HSF2BP: variants seen among roughly 807,000 people sequenced by gnomAD.
The protein encoded by HSF2BP is heat shock transcription factor 2 binding protein.
Under a neutral mutation model 35.0 loss-of-function variants are expected in HSF2BP, and 35 were observed. The ratio of observed to expected loss-of-function variants is 1.00; its 90% confidence interval spans 0.76 to 1.32. The LOEUF (loss-of-function observed/expected upper bound fraction) is 1.32. HSF2BP is among the 40% of genes most tolerant of loss of function. HSF2BP has a pLI of 0.00. For missense variants in HSF2BP, 326 were observed against 321.7 expected, an observed-to-expected ratio of 1.01 and a Z score of -0.10; for synonymous variants, 114 against 117.4, an observed-to-expected ratio of 0.97 and a Z score of 0.18.
Position 43,656,542 on chromosome 21 carries a change from A to T in HSF2BP, c.187+45T>A, listed in dbSNP as rs1228889251. 2.5e-6 allele frequency: 4 copies of T among 1,568,750 alleles called. No individual in the cohort carries two copies. The African/African-American group carries it at 5.5e-5, about 21-fold the overall frequency. ...ATTTACCTAGGGTAAATCTGCTAGA[A>T]CAAATTACTGTTACCACCAATGACT... On this transcript the variant is annotated intron_variant, in intron 3 of 8. Coordinates refer to ENST00000291560, the MANE Select transcript of HSF2BP (RefSeq NM_007031.2).
At chr21:43,600,226 A>C (rs2082035694) in intron 7 of HSF2BP, among the ~76,000 whole-genome samples, 1 of 152,236 alleles carries the variant, frequency 6.6e-6, no homozygotes, top group South Asian at 2.1e-4. Flanking sequence ...CAACTTGACC[A>C]CCTTATTCTT....
chr21:43,645,546 T>C (rs773222813), intron 3 of HSF2BP, among the ~76,000 whole-genome samples: 12 of 152,210 alleles, frequency 7.9e-5, no homozygotes, highest in Non-Finnish European at 1.6e-4. Flanking sequence ...AGCTACCTAA[T>C]ATTTGTCACA....
intron 8 of HSF2BP, among the ~76,000 whole-genome samples, chr21:43,590,745 G>A (rs1294205219): frequency 3.9e-5 from 6 of 152,024 alleles, no homozygotes; most frequent in Admixed American, 1.3e-4. Context: ...AAAGAAGCAC[G>A]GCAAAAAAGA....
intron 8 of HSF2BP, among the ~76,000 whole-genome samples, chr21:43,579,749 T>G (rs868037970): frequency 4.7e-4 from 72 of 152,354 alleles, no homozygotes; most frequent in African/African-American, 1.7e-3. Context: ...AATGCTTCTC[T>G]TCACTCTTGT....
chr21:43,601,706 A>G (rs1333004389), intron 7 of HSF2BP, among the ~76,000 whole-genome samples: 2 of 152,144 alleles, frequency 1.3e-5, no homozygotes, highest in Non-Finnish European at 2.9e-5. Flanking sequence ...GAAATAATAC[A>G]CATTAGTTCA....
intron 5 of HSF2BP, 38 bp downstream of exon 5, chr21:43,633,234 A>C: frequency 1.9e-6 from 3 of 1,589,510 alleles, no homozygotes; most frequent in Non-Finnish European, 2.6e-6. Context: ...CACAAGCAGT[A>C]ATCAACAATA....
chr21:43,628,483 G>C (rs1198174142), intron 6 of HSF2BP, among the ~76,000 whole-genome samples: 1 of 152,352 alleles, frequency 6.6e-6, no homozygotes, highest in Non-Finnish European at 1.5e-5. Flanking sequence ...CAGGGGTAAG[G>C]AAGCTGCAGA....
Position 43,583,218 on chromosome 21 carries a change from GGGAGATGAAGGCCTGCTGAA to G in HSF2BP, c.796+8987_796+9006del, listed in dbSNP as rs1425968159. On this transcript the variant is annotated intron_variant, in intron 8 of 8. Coordinates refer to ENST00000291560, the MANE Select transcript of HSF2BP (RefSeq NM_007031.2). Reference sequence around the variant, plus strand: ...GCTGAGGGAGATGAGGACCTGCTGAGGGAGATGAAGGCCTGCTGAAGGAGATGAAGGCCTGCTGAGGGAGA... The same window carrying G: ...GCTGAGGGAGATGAGGACCTGCTGAGGGAGATGAAGGCCTGCTGAGGGAGA... 1.8e-3 allele frequency among the ~76,000 whole-genome samples: 49 copies of G among 27,252 alleles called. 4 individuals carry two copies. Among genetic ancestry groups the G allele is most frequent in the African/African-American group, 0.011 (47 of 4,124 alleles). The allele number at this position is 27,252 out of a possible 152,430, so 17.9% of individuals were successfully genotyped here.
intron 5 of HSF2BP, among the ~76,000 whole-genome samples, chr21:43,632,685 A>G (rs1465896505): frequency 6.6e-6 from 1 of 152,048 alleles, no homozygotes; most frequent in African/African-American, 2.4e-5. Flanking sequence ...AGCCTACTCA[A>G]TTTGAAGATG....
chr21:43,645,231 C>CTG (rs2082692923), intron 3 of HSF2BP, among the ~76,000 whole-genome samples: 1 of 152,200 alleles, frequency 6.6e-6, no homozygotes, highest in Non-Finnish European at 1.5e-5. Context: ...CAATGATTCT[C>CTG]AAACTTTAGC....
At chr21:43,579,855 G>A (rs2146699261) in intron 8 of HSF2BP, among the ~76,000 whole-genome samples, 1 of 152,336 alleles carries the variant, frequency 6.6e-6, no homozygotes, top group South Asian at 2.1e-4. Context: ...TCCAATTGCT[G>A]TTCCACTCAA....
intron 6 of HSF2BP, among the ~76,000 whole-genome samples, chr21:43,619,606 T>C (rs573510770): frequency 6.6e-6 from 1 of 152,336 alleles, no homozygotes; most frequent in African/African-American, 2.4e-5. Flanking sequence ...GCACCAAGCG[T>C]GAGGAAAATT....
At chr21:43,656,775 C>T (rs781323369) in intron 2 of HSF2BP, 38 bp from the exon 3 acceptor site, 5 of 1,566,486 alleles carry the variant, frequency 3.2e-6, no homozygotes, top group Non-Finnish European at 4.3e-6. Context: ...TTTCTCTTCA[C>T]ATGAGAAAAA....
chr21:43,648,906 A>G, intron 3 of HSF2BP, among the ~76,000 whole-genome samples: 1 of 152,254 alleles, frequency 6.6e-6, no homozygotes, highest in African/African-American at 2.4e-5. Context: ...TAATATCTCC[A>G]TTTTACAATG....
intron 4 of HSF2BP, among the ~76,000 whole-genome samples, chr21:43,639,049 G>C (rs187796089): frequency 6.6e-6 from 1 of 152,140 alleles, no homozygotes; most frequent in African/African-American, 2.4e-5. Flanking sequence ...GAAGGAGAGA[G>C]AGTCTTTTTG....
chr21:43,649,283 A>C (rs953138071), intron 3 of HSF2BP, among the ~76,000 whole-genome samples: 9 of 151,950 alleles, frequency 5.9e-5, no homozygotes, highest in Non-Finnish European at 1.3e-4. Context: ...AAATACAAAA[A>C]TGAGCCGGGC....
At position 43,631,898 on chromosome 21, in the gene HSF2BP, C is replaced by T. The variant is rs527364335; in HGVS notation, c.441+1374G>A. 2.8e-4 allele frequency among the ~76,000 whole-genome samples: 43 copies of T among 151,480 alleles called. 1 individual carries two copies. The South Asian group carries it at 8.8e-3, about 31-fold the overall frequency. ...GTGCACGCTCCCACACACACACATG[C>T]TCCCACACACCCACACGCTCCCACA... On this transcript the variant is annotated intron_variant, in intron 5 of 8. Coordinates refer to ENST00000291560, the MANE Select transcript of HSF2BP (RefSeq NM_007031.2).
chr21:43,656,507 G>A (rs192200328), intron 3 of HSF2BP, 80 bp downstream of exon 3: 47 of 1,357,542 alleles, frequency 3.5e-5, no homozygotes, highest in Middle Eastern at 3.7e-4. Flanking sequence ...CTTAAAATTC[G>A]TTTACAATTA....
the HSF2BP span, among the ~76,000 whole-genome samples, chr21:43,467,947 CACACACCACACTT>C: frequency 2.7e-5 from 3 of 111,564 alleles, no homozygotes; most frequent in African/African-American, 7.0e-5. Flanking sequence ...ACACACACCA[CACACACCACACTT>C]ACACCACACA....
Sources: gnomAD v4.1 joint callset for allele counts (sites outside exome capture counted in the v4.1 genomes callset) on GRCh38, gnomAD v4.1.1 for gene constraint, MANE v1.5 for transcripts, NCBI Gene and HGNC (gene_info 2026-07-23, HGNC 2026-07-21) for gene names.